KCNH7: variants seen among roughly 807,000 people sequenced by gnomAD.
KCNH7 encodes potassium voltage-gated channel subfamily H member 7.
Under a neutral mutation model 120.8 loss-of-function variants are expected in KCNH7, and 49 were observed. That is an observed-to-expected ratio of 0.41 (90% confidence interval 0.32 to 0.51). KCNH7 has a LOEUF of 0.51. Ranked by LOEUF, KCNH7 falls within the 20% of genes least tolerant of loss-of-function variation. The pLI is 0.38. For synonymous variants in KCNH7, 547 were observed against 516.1 expected, an observed-to-expected ratio of 1.06 and a Z score of -0.81; for missense variants, 1,097 against 1,446.6, an observed-to-expected ratio of 0.76 and a Z score of 3.92.
At chr2:162,630,529 C>T (rs1683730547) in intron 2 of KCNH7, among the ~76,000 whole-genome samples, 1 of 151,930 alleles carries the variant, frequency 6.6e-6, no homozygotes, top group Non-Finnish European at 1.5e-5. Flanking sequence ...GTCATTACAG[C>T]TACAGGTGAA....
At chr2:162,451,399 T>G (rs1688766919) in intron 6 of KCNH7, among the ~76,000 whole-genome samples, 1 of 152,116 alleles carries the variant, frequency 6.6e-6, no homozygotes, top group South Asian at 2.1e-4. Flanking sequence ...ATTGATAATA[T>G]TACAGAATTG....
At chr2:162,615,488 C>T (rs1683112814) in intron 2 of KCNH7, among the ~76,000 whole-genome samples, 1 of 152,078 alleles carries the variant, frequency 6.6e-6, no homozygotes. Context: ...GTCAGGGTGG[C>T]TTGTGCATTC....
At chr2:162,611,006 C>G (rs1257275330) in intron 2 of KCNH7, among the ~76,000 whole-genome samples, 2 of 152,218 alleles carry the variant, frequency 1.3e-5, no homozygotes, top group Non-Finnish European at 2.9e-5. Context: ...AAAAGCCACA[C>G]TGTCCCTCAC....
chr2:162,670,536 T>C (rs1685314044), intron 2 of KCNH7, among the ~76,000 whole-genome samples: 1 of 146,042 alleles, frequency 6.8e-6, no homozygotes, highest in Non-Finnish European at 1.5e-5. Context: ...AAATAATAGA[T>C]TTAAATTACT....
chr2:162,464,517 C>G (rs975251860), intron 6 of KCNH7, among the ~76,000 whole-genome samples: 1 of 151,964 alleles, frequency 6.6e-6, no homozygotes, highest in Non-Finnish European at 1.5e-5. Flanking sequence ...TCTTTCTAAC[C>G]TCTAGCCTAA....
intron 2 of KCNH7, among the ~76,000 whole-genome samples, chr2:162,824,157 G>T (rs1376677505): frequency 6.6e-6 from 1 of 152,066 alleles, no homozygotes; most frequent in East Asian, 1.9e-4. Flanking sequence ...GTATTCTTCA[G>T]AGAAAAATTC....
chr2:162,837,143 G>C (rs1199577185), intron 1 of KCNH7, among the ~76,000 whole-genome samples: 3 of 152,156 alleles, frequency 2.0e-5, no homozygotes, highest in Admixed American at 2.0e-4. Flanking sequence ...AAGTCAAACA[G>C]TGAAACATTC....
chr2:162,487,039 G>T (rs1023330865), intron 6 of KCNH7, among the ~76,000 whole-genome samples: 2 of 152,138 alleles, frequency 1.3e-5, no homozygotes, highest in Non-Finnish European at 1.5e-5. Flanking sequence ...TTCTCTTAAA[G>T]GGAGATTCTT....
chr2:162,632,451 T>C (rs1424575594), intron 2 of KCNH7, among the ~76,000 whole-genome samples: 1 of 151,940 alleles, frequency 6.6e-6, no homozygotes, highest in East Asian at 1.9e-4. Context: ...TGAAATAATC[T>C]ATAAACTGAA....
chr2:162,504,175 G>A (rs941787799), intron 6 of KCNH7, among the ~76,000 whole-genome samples: 6 of 151,968 alleles, frequency 3.9e-5, no homozygotes, highest in Non-Finnish European at 5.9e-5. Flanking sequence ...CAAACACGAC[G>A]AATAGCAGGT....
chr2:162,753,028 G>A (rs113000078), intron 2 of KCNH7, among the ~76,000 whole-genome samples: 16 of 133,556 alleles, frequency 1.2e-4, no homozygotes, highest in Non-Finnish European at 2.1e-4. Flanking sequence ...GAAAAGAAAA[G>A]AAACCCTGAC....
intron 6 of KCNH7, among the ~76,000 whole-genome samples, chr2:162,476,300 A>C (rs1399361913): frequency 6.6e-6 from 1 of 152,216 alleles, no homozygotes. Flanking sequence ...ATTCCAAGAC[A>C]TATTCATTAT....
intron 2 of KCNH7, among the ~76,000 whole-genome samples, chr2:162,742,602 T>C (rs1475570344): frequency 6.6e-6 from 1 of 152,214 alleles, no homozygotes; most frequent in African/African-American, 2.4e-5. Context: ...ATAATAATGT[T>C]AGGCAAATTA....
At chr2:162,828,744 C>T (rs562256109) in intron 2 of KCNH7, among the ~76,000 whole-genome samples, 31 of 152,170 alleles carry the variant, frequency 2.0e-4, no homozygotes, top group South Asian at 1.7e-3. Flanking sequence ...ACATTCTGCC[C>T]GGCAGAGTCT....
rs184072239 is a variant in KCNH7 at position 162,713,226 on chromosome 2, T to C, written c.307+123311A>G. On this transcript the variant is annotated intron_variant, in intron 2 of 15. Transcript: ENST00000332142. ...TATTTACTGCAAGAGACAACAGGGATGTAGATTCTTTATTTCACCAGTTGA... is the reference window on the plus strand; with the variant it reads ...TATTTACTGCAAGAGACAACAGGGACGTAGATTCTTTATTTCACCAGTTGA... 6.5e-4 allele frequency among the ~76,000 whole-genome samples: 99 copies of C among 152,240 alleles called. 1 individual carries two copies. The highest frequency in any genetic ancestry group is 2.2e-3 in the African/African-American group (90 of 41,542).
chr2:162,380,021 T>C lies in KCNH7; in HGVS notation c.2963A>G (p.Asp988Gly), dbSNP rs1280195613. The change falls in exon 14 of 16, where the codon GAT becomes GGT. Residue 988 changes from aspartate (D) to glycine (G), a missense_variant and splice_region_variant. Physicochemically the swap from Asp to Gly is moderately conservative, Grantham distance 94. Transcript: ENST00000332142. Reference sequence around the variant, plus strand: ...TTCCCAGCTTCGCATGTCAGTGATATCTGTGGAAAATAGCAAGATGGATGT... The same window carrying C: ...TTCCCAGCTTCGCATGTCAGTGATACCTGTGGAAAATAGCAAGATGGATGT... ...HIDKRSHSCK[D>G]ITDMRSWERE... 3 of 1,613,814 alleles carry C rather than the reference T, an allele frequency of 1.9e-6. No individual in the cohort carries two copies. The highest frequency in any genetic ancestry group is 2.2e-5 in the South Asian group (2 of 91,058).
At chr2:162,377,740 A>G (rs979994566) in intron 14 of KCNH7, among the ~76,000 whole-genome samples, 76 of 152,186 alleles carry the variant, frequency 5.0e-4, no homozygotes, top group African/African-American at 1.5e-3. Flanking sequence ...TAACATTAAC[A>G]ACTCCATTTT....
At chr2:162,558,195 T>A (rs917983880) in intron 2 of KCNH7, among the ~76,000 whole-genome samples, 1 of 152,174 alleles carries the variant, frequency 6.6e-6, no homozygotes, top group African/African-American at 2.4e-5. Context: ...TTTCTTTTTT[T>A]GAGACGGAGT....
intron 2 of KCNH7, among the ~76,000 whole-genome samples, chr2:162,676,294 A>G (rs755587271): frequency 1.3e-5 from 2 of 151,680 alleles, no homozygotes; most frequent in East Asian, 1.9e-4. Flanking sequence ...AAAGATAACA[A>G]TGAAAGTTAT....
Sources: allele counts gnomAD v4.1 joint callset (sites outside exome capture counted in the v4.1 genomes callset), GRCh38; gene constraint gnomAD v4.1.1; transcripts MANE v1.5; gene names NCBI Gene and HGNC (gene_info 2026-07-23, HGNC 2026-07-21).